Variants in NBEA observed in about 807,000 individuals in gnomAD.
NBEA encodes lysosomal-trafficking regulator 2.
Under a neutral mutation model 343.4 loss-of-function variants are expected in NBEA, and 44 were observed. The ratio of observed to expected loss-of-function variants is 0.13; its 90% CI spans 0.10 to 0.16. NBEA has a LOEUF of 0.16. NBEA is among the 10% of genes least tolerant of loss of function. NBEA has a pLI of 1.00. For missense variants in NBEA, 2,555 were observed against 3,631.3 expected, an observed-to-expected ratio of 0.70 and a Z score of 7.62; for synonymous variants, 1,175 against 1,238.7, an observed-to-expected ratio of 0.95 and a Z score of 1.08.
chr13:35,646,019 C>A, intron 50 of NBEA, 88 bp downstream of exon 50: 2 of 883,990 alleles, frequency 2.3e-6, no homozygotes, highest in South Asian at 3.4e-5. Flanking sequence ...ACATTTAACC[C>A]CAGCTTCTGG....
Position 35,063,960 on chromosome 13 carries a change from G to T in NBEA, c.1239+5097G>T, listed in dbSNP as rs2063555645. On this transcript the variant is annotated intron_variant, in intron 8 of 58. Coordinates refer to ENST00000379939, the MANE Select transcript of NBEA (RefSeq NM_001385012.1). ...GAATTTTAGGCTGAAAAACTGAGCT[G>T]ATGGAGTTGTCATTTACTGAGATGG... Among the ~76,000 whole-genome samples the T allele has an allele frequency of 9.2e-5, 14 of 152,086 alleles. 1 individual carries two copies. The South Asian group carries it at 2.9e-3, about 32-fold the overall frequency.
chr13:35,511,950 A>G (rs776333220), intron 41 of NBEA, among the ~76,000 whole-genome samples: 4 of 152,128 alleles, frequency 2.6e-5, no homozygotes, highest in Non-Finnish European at 5.9e-5. Flanking sequence ...GTTGTTTTTA[A>G]TGTCCAGTGG....
rs1276559882 is a variant in NBEA, at chr13:35,671,565, A to G, written c.*574A>G. 3 of 152,798 alleles carry G rather than the reference A, an allele frequency of 2.0e-5. No homozygotes were observed. Among genetic ancestry groups the G allele is most frequent in the Non-Finnish European group, 2.9e-5 (2 of 68,158 alleles). The allele number at this position is 152,798 out of a possible 1,614,324, so 9.5% of individuals were successfully genotyped here. A position where few individuals can be genotyped will look rare whatever the true frequency, so the allele number is the denominator to read the frequency against. ...GGCTTGATGGAACAGGTGCATTCAC[A>G]CTATGAAACAGAAAGATCTGTCCAA... On this transcript the variant is annotated 3_prime_UTR_variant, in exon 59 of 59. Transcript: ENST00000379939.
At chr13:35,526,317 A>G (rs2077972506) in intron 41 of NBEA, among the ~76,000 whole-genome samples, 1 of 152,106 alleles carries the variant, frequency 6.6e-6, no homozygotes, top group African/African-American at 2.4e-5. Flanking sequence ...AATTTGATAT[A>G]TTTGCTTCTG....
intron 28 of NBEA, 75 bp from the exon 29 acceptor site, chr13:35,182,285 T>G (rs1238040932): frequency 1.3e-5 from 17 of 1,319,196 alleles, no homozygotes; most frequent in Non-Finnish European, 1.7e-5. Flanking sequence ...GATAATAAAA[T>G]AGCAGTTTCT....
intron 33 of NBEA, among the ~76,000 whole-genome samples, chr13:35,231,857 T>C (rs2152770160): frequency 6.6e-6 from 1 of 152,252 alleles, no homozygotes; most frequent in Middle Eastern, 3.4e-3. Context: ...AGCAGAAATA[T>C]TTTCCTCCTC....
chr13:35,565,153 G>A (rs2080073771), intron 44 of NBEA, among the ~76,000 whole-genome samples: 1 of 152,164 alleles, frequency 6.6e-6, no homozygotes, highest in Non-Finnish European at 1.5e-5. Flanking sequence ...CAAAGTGGAA[G>A]CAACATTCTG....
At chr13:35,003,660 T>G (rs1295137500) in intron 1 of NBEA, among the ~76,000 whole-genome samples, 1 of 152,198 alleles carries the variant, frequency 6.6e-6, no homozygotes, top group African/African-American at 2.4e-5. Flanking sequence ...GTTTATATGT[T>G]CCCATGTAGT....
rs148462054 is a variant in NBEA, at chr13:35,424,914, A to G, written c.6180-7355A>G. 4.0e-3 allele frequency among the ~76,000 whole-genome samples: 606 copies of G among 152,170 alleles called. 5 individuals are homozygous for G. The highest frequency in any genetic ancestry group is 6.8e-3 in the Middle Eastern group (2 of 294). On this transcript the variant is annotated intron_variant, in intron 38 of 58. Transcript: ENST00000379939. Reference sequence around the variant, plus strand: ...GTGTCGAGGAATTTATCCATTTTCTAGATTTTCTAGTTTATTTGCATAGAG... The same window carrying G: ...GTGTCGAGGAATTTATCCATTTTCTGGATTTTCTAGTTTATTTGCATAGAG...
chr13:35,029,387 C>A (rs960744326), intron 1 of NBEA, among the ~76,000 whole-genome samples: 1 of 151,276 alleles, frequency 6.6e-6, no homozygotes, highest in African/African-American at 2.4e-5. Flanking sequence ...GTTAACAAAT[C>A]CAGAGTTTGA....
intron 49 of NBEA, among the ~76,000 whole-genome samples, chr13:35,645,435 A>G (rs143425931): frequency 8.5e-4 from 129 of 152,314 alleles, no homozygotes; most frequent in African/African-American, 2.9e-3. Flanking sequence ...AGTTTCTTTT[A>G]AGATGATCTC....
chr13:35,454,358 A>C (rs1162451187), intron 40 of NBEA, among the ~76,000 whole-genome samples: 1 of 152,240 alleles, frequency 6.6e-6, no homozygotes, highest in East Asian at 1.9e-4. Context: ...GGTTTAAGAA[A>C]TCAGCTATTG....
intron 38 of NBEA, among the ~76,000 whole-genome samples, chr13:35,415,984 C>A (rs1016653886): frequency 2.0e-5 from 3 of 152,056 alleles, no homozygotes; most frequent in Admixed American, 2.0e-4. Context: ...GCATTTTATT[C>A]TCTTTGAAGC....
At chr13:35,542,820 GTGAT>G (rs1312013292) in intron 41 of NBEA, among the ~76,000 whole-genome samples, 1 of 151,974 alleles carries the variant, frequency 6.6e-6, no homozygotes, top group African/African-American at 2.4e-5. Flanking sequence ...AAGTAGAGTA[GTGAT>G]TGATTACTAT....
intron 40 of NBEA, among the ~76,000 whole-genome samples, chr13:35,453,079 T>C (rs2046386553): frequency 6.6e-6 from 1 of 152,222 alleles, no homozygotes; most frequent in Admixed American, 6.5e-5. Flanking sequence ...GGTGGACTTA[T>C]ATTTATAATT....
chr13:35,145,315 T>A (rs1355266615), intron 18 of NBEA, among the ~76,000 whole-genome samples: 1 of 152,220 alleles, frequency 6.6e-6, no homozygotes, highest in Non-Finnish European at 1.5e-5. Context: ...ACCTTTAAGA[T>A]AGCTTCCTTT....
intron 30 of NBEA, among the ~76,000 whole-genome samples, chr13:35,190,095 A>G (rs193001247): frequency 6.6e-6 from 1 of 152,226 alleles, no homozygotes; most frequent in Non-Finnish European, 1.5e-5. Context: ...GAGCATTATA[A>G]CTATTTGAAC....
chr13:35,116,700 G>A (rs2066508249), intron 13 of NBEA, among the ~76,000 whole-genome samples: 1 of 151,956 alleles, frequency 6.6e-6, no homozygotes, highest in African/African-American at 2.4e-5. Flanking sequence ...AAGGCTTAAT[G>A]TTACAGGATT....
chr13:35,099,238 A>G (rs963541055), intron 11 of NBEA, among the ~76,000 whole-genome samples: 8 of 125,934 alleles, frequency 6.4e-5, no homozygotes, highest in African/African-American at 9.1e-5. Context: ...TTGCTTTGTC[A>G]CCCAGGCTGG....
Sources: gnomAD v4.1 joint callset for allele counts (sites outside exome capture counted in the v4.1 genomes callset) on GRCh38, gnomAD v4.1.1 for gene constraint, MANE v1.5 for transcripts, NCBI Gene and HGNC (gene_info 2026-07-23, HGNC 2026-07-21) for gene names.